The following ACTR3C variants were observed in gnomAD, a reference collection of about 807,000 sequenced individuals.
The protein encoded by ACTR3C is actin related protein 3C.
A neutral mutation model predicts 26.3 loss-of-function variants in ACTR3C; 18 were observed. The observed-to-expected ratio is 0.68, with a 90% confidence interval of 0.47 to 1.01. The LOEUF (loss-of-function observed/expected upper bound fraction) is 1.01. Among genes scored for constraint, ACTR3C ranks in the 50% least tolerant of loss-of-function variants. ACTR3C has a pLI of 0.00. For synonymous variants in ACTR3C, 55 were observed against 94.5 expected (o/e 0.58, Z 2.42); for missense variants, 184 against 250.7 (o/e 0.73, Z 1.80).
At chr7:150,186,925 G>T in the ACTR3C span, among the ~76,000 whole-genome samples, 1 of 151,874 alleles carries the variant, frequency 6.6e-6, no homozygotes, top group East Asian at 1.9e-4. Context: ...GGAACCATTC[G>T]ATTTGTTTTT....
At chr7:150,201,946 G>A in the ACTR3C span, among the ~76,000 whole-genome samples, 2 of 152,076 alleles carry the variant, frequency 1.3e-5, no homozygotes, top group African/African-American at 4.8e-5. Context: ...AAGTGGAAGC[G>A]TTTGCCTCAC....
intron 1 of ACTR3C, among the ~76,000 whole-genome samples, chr7:150,316,620 G>A (rs1178575564): frequency 6.6e-6 from 1 of 151,722 alleles, no homozygotes; most frequent in African/African-American, 2.4e-5. Flanking sequence ...TGAGCAGCTG[G>A]GACTACAGAT....
At chr7:150,024,443 G>A in the ACTR3C span, among the ~76,000 whole-genome samples, 1 of 148,502 alleles carries the variant, frequency 6.7e-6, no homozygotes, top group Middle Eastern at 3.5e-3. Context: ...ATACACGTGG[G>A]AAGAGCCATC....
chr7:149,947,935 C>T, the ACTR3C span, among the ~76,000 whole-genome samples: 3 of 151,846 alleles, frequency 2.0e-5, no homozygotes, highest in Admixed American at 2.0e-4. Context: ...TCTATTTCCT[C>T]GTGTCAATGT....
the ACTR3C span, among the ~76,000 whole-genome samples, chr7:150,074,615 CT>C: frequency 1.4e-5 from 2 of 146,164 alleles, no homozygotes; most frequent in Non-Finnish European, 3.0e-5. Context: ...AGTCATCAAA[CT>C]GGTTTCATGT....
chr7:150,036,506 A>T, the ACTR3C span, among the ~76,000 whole-genome samples: 1 of 145,596 alleles, frequency 6.9e-6, no homozygotes, highest in Non-Finnish European at 1.6e-5. Flanking sequence ...CTTGTAACTC[A>T]TGAAAAACTT....
chr7:149,942,024 G>T, the ACTR3C span, among the ~76,000 whole-genome samples: 1 of 152,172 alleles, frequency 6.6e-6, no homozygotes. Context: ...CTGTCTCTCT[G>T]CCCTGGCTCT....
At chr7:150,100,315 C>T in the ACTR3C span, among the ~76,000 whole-genome samples, 2 of 151,676 alleles carry the variant, frequency 1.3e-5, no homozygotes, top group Non-Finnish European at 2.9e-5. Flanking sequence ...AGACAGGGAG[C>T]TAAAGCCATC....
At chr7:150,050,629 G>A in the ACTR3C span, among the ~76,000 whole-genome samples, 3 of 152,134 alleles carry the variant, frequency 2.0e-5, no homozygotes, top group East Asian at 1.9e-4. Flanking sequence ...AGGAAAGAGC[G>A]AGCGTCTGAA....
the ACTR3C span, among the ~76,000 whole-genome samples, chr7:149,883,348 C>A: frequency 6.6e-6 from 1 of 152,162 alleles, no homozygotes; most frequent in Non-Finnish European, 1.5e-5. Flanking sequence ...CCAACACCAT[C>A]CCCAATGTGG....
At chr7:150,048,346 C>A in the ACTR3C span, among the ~76,000 whole-genome samples, 4 of 152,244 alleles carry the variant, frequency 2.6e-5, 1 homozygote, top group South Asian at 8.3e-4. Flanking sequence ...CCTTCCCCAC[C>A]GGCCTCCTCC....
the ACTR3C span, among the ~76,000 whole-genome samples, chr7:150,022,513 G>A: frequency 3.8e-3 from 579 of 151,844 alleles, 5 homozygotes; most frequent in African/African-American, 0.013. Flanking sequence ...AACTCTCAGC[G>A]GGGTCTTTAT....
At chr7:150,139,082 A>G in the ACTR3C span, among the ~76,000 whole-genome samples, 5 of 152,292 alleles carry the variant, frequency 3.3e-5, no homozygotes, top group African/African-American at 1.2e-4. Context: ...AATAAGAAAT[A>G]AAGTGCACAA....
At chr7:150,226,493 G>A in the ACTR3C span, among the ~76,000 whole-genome samples, 2 of 152,158 alleles carry the variant, frequency 1.3e-5, no homozygotes, top group Admixed American at 6.5e-5. Flanking sequence ...CTGGAGTGCA[G>A]TGGTACAATC....
the ACTR3C span, among the ~76,000 whole-genome samples, chr7:150,118,146 G>T: frequency 1.3e-5 from 2 of 152,162 alleles, no homozygotes; most frequent in African/African-American, 2.4e-5. Context: ...GCGCGAAAAG[G>T]CTGAAAATTC....
chr7:149,901,160 A>C, the ACTR3C span, among the ~76,000 whole-genome samples: 1 of 148,740 alleles, frequency 6.7e-6, no homozygotes, highest in African/African-American at 2.4e-5. Flanking sequence ...AAAATTATAG[A>C]GATGAAAACA....
At chr7:150,309,357 G>C (rs1394948393) in intron 1 of ACTR3C, among the ~76,000 whole-genome samples, 1 of 152,146 alleles carries the variant, frequency 6.6e-6, no homozygotes, top group African/African-American at 2.4e-5. Context: ...CTCAATATGT[G>C]TTTTATCACC....
intron 6 of ACTR3C, among the ~76,000 whole-genome samples, chr7:150,260,191 G>C (rs2129609966): frequency 6.6e-6 from 1 of 152,262 alleles, no homozygotes; most frequent in South Asian, 2.1e-4. Flanking sequence ...ATCTGGCCCT[G>C]TACAGAAAAA....
the ACTR3C span, among the ~76,000 whole-genome samples, chr7:150,009,570 A>G: frequency 1.3e-5 from 2 of 152,196 alleles, no homozygotes; most frequent in Admixed American, 6.5e-5. Context: ...GTACCACCCC[A>G]TGTTTACTTG....
Sources: gnomAD v4.1 joint callset for allele counts (sites outside exome capture counted in the v4.1 genomes callset) on GRCh38, gnomAD v4.1.1 for gene constraint, MANE v1.5 for transcripts, NCBI Gene and HGNC (gene_info 2026-07-23, HGNC 2026-07-21) for gene names.